Variants in PRRC2A observed in about 807,000 individuals in gnomAD.
The protein encoded by PRRC2A is protein PRRC2A.
PRRC2A carries 59 observed loss-of-function variants against 224.6 expected under a neutral mutation model. The observed-to-expected ratio is 0.26, with a 90% CI of 0.21 to 0.33. The LOEUF (loss-of-function observed/expected upper bound fraction) is 0.33, where lower values mean the gene tolerates loss of function less well. Ranked by LOEUF, PRRC2A falls within the 10% of genes least tolerant of loss-of-function variation. PRRC2A has a pLI of 1.00. For synonymous variants in PRRC2A, 1,194 were observed against 1,109.5 expected (o/e 1.08, Z -1.51); for missense variants, 3,095 against 2,880.7 (o/e 1.07, Z -1.70).
chr6:31,627,978 A>T lies in PRRC2A; in HGVS notation c.1504A>T (p.Lys502Ter). ...RLDEKFGAPD[K>*]RLKAEPAAPP... ...CGATGAAAAGTTTGGGGCACCTGAC[A>T]AGCGGCTCAAAGCAGAGCCTGCTGC... Residue 502 changes from lysine (K) to a stop codon, truncating the protein, a stop_gained, in exon 12 of 31, where the codon AAG becomes TAG. Coordinates refer to ENST00000376033, the MANE Select transcript of PRRC2A (RefSeq NM_004638.4). LOFTEE classifies it high-confidence loss of function. The surrounding 1 kb of genome is among the most constrained non-coding windows in gnomAD (Gnocchi z 5.6). 1 of 1,612,980 alleles carries T rather than the reference A, an allele frequency of 6.2e-7. No individual in the cohort carries two copies. Among genetic ancestry groups the T allele is most frequent in the Non-Finnish European group, 8.5e-7 (1 of 1,180,014 alleles).
At position 31,625,250 on chromosome 6, in the gene PRRC2A, G is replaced by A. The variant is rs780518066; in HGVS notation, c.543G>A (p.Lys181=). 9 of 1,613,106 alleles carry A rather than the reference G, an allele frequency of 5.6e-6. No homozygotes were observed. Among genetic ancestry groups the A allele is most frequent in the Middle Eastern group, 1.6e-4 (1 of 6,084 alleles). ...PTLQAAGDQD[K]AAKERESAEQ... Reference sequence around the variant, plus strand: ...TGCAGGCGGCTGGCGACCAGGACAAGGCTGCCAAGGAAAGGGAGTCTGCCG... The same window carrying A: ...TGCAGGCGGCTGGCGACCAGGACAAAGCTGCCAAGGAAAGGGAGTCTGCCG... The change falls in exon 6 of 31, where the codon AAG becomes AAA. Residue 181 remains lysine (K), a synonymous_variant. Transcript: ENST00000376033. The surrounding 1 kb of genome is among the most constrained non-coding windows in gnomAD (Gnocchi z 4.1).
At chr6:31,623,064 G>A (rs773376209) in intron 2 of PRRC2A, 163 bp downstream of exon 2, 1 of 771,934 alleles carries the variant, frequency 1.3e-6, no homozygotes, top group Non-Finnish European at 2.4e-6. Context: ...GTGGGCTCTG[G>A]GTGAACACCA....
Position 31,633,442 on chromosome 6 carries a change from T to C in PRRC2A, c.4383T>C (p.Ala1461=), listed in dbSNP as rs904275357. 1 of 1,613,068 alleles carries C rather than the reference T, an allele frequency of 6.2e-7. No individual in the cohort carries two copies. The highest frequency in any genetic ancestry group is 8.5e-7 in the Non-Finnish European group (1 of 1,180,020). Residue 1461 remains alanine, a synonymous_variant, in exon 17 of 31, where the codon GCT becomes GCC. Coordinates refer to ENST00000376033, the MANE Select transcript of PRRC2A (RefSeq NM_004638.4). ...CTCCCCCACCTCCCAGCAGTTCTGC[T>C]GTCTTCCGCCTGGACCAAGTTATCC... The part of the protein sequence containing the change: ...PLPPPPPSSS[A]VFRLDQVIHS...
rs748153786 is a variant in PRRC2A at position 31,625,746 on chromosome 6, G to A, written c.760-46G>A. On this transcript the variant is annotated intron_variant, in intron 7 of 30. Transcript: ENST00000376033. The surrounding 1 kb of genome is among the most constrained non-coding windows in gnomAD (Gnocchi z 4.1). ...ATAGCAGGCTTAAGGAGCTAGAAGG[G>A]TATATGACTGTCCCTCTGAGCAGCT... is the stretch of plus-strand genomic sequence containing the variant. The A allele has an allele frequency of 6.4e-7, 1 of 1,555,264 alleles. No homozygotes were observed. Among genetic ancestry groups the A allele is most frequent in the Non-Finnish European group, 8.9e-7 (1 of 1,126,566 alleles).
At chr6:31,635,540 A>G in intron 23 of PRRC2A, 42 bp from the exon 24 acceptor site, 2 of 1,611,000 alleles carry the variant, frequency 1.2e-6, no homozygotes, top group Non-Finnish European at 8.5e-7. Context: ...CAGGGCGTCC[A>G]GGATGCCAGA....
Position 31,627,729 on chromosome 6 carries a change from AT to A in PRRC2A, c.1291-34del. ...GAGATGATAGAAAGCATAGTAACTGATTCCCCTGGCCCTGCTGGGTCTTGCC... is the reference window on the plus strand; with the variant it reads ...GAGATGATAGAAAGCATAGTAACTGATCCCCTGGCCCTGCTGGGTCTTGCC... On this transcript the variant is annotated intron_variant, in intron 11 of 30. Coordinates refer to ENST00000376033, the MANE Select transcript of PRRC2A (RefSeq NM_004638.4). The surrounding 1 kb of genome is among the most constrained non-coding windows in gnomAD (Gnocchi z 5.6). 6.2e-7 allele frequency: 1 copy of A among 1,602,090 alleles called. No homozygotes were observed. The highest frequency in any genetic ancestry group is 8.5e-7 in the Non-Finnish European group (1 of 1,173,414).
At chr6:31,623,708 C>A (rs1030588293) in intron 2 of PRRC2A, 24 bp from the exon 3 acceptor site, 2 of 1,611,636 alleles carry the variant, frequency 1.2e-6, no homozygotes, top group Non-Finnish European at 1.7e-6. Flanking sequence ...GCATTTTCGA[C>A]CCTCTCTCCG....
At position 31,625,594 on chromosome 6, in the gene PRRC2A, G is replaced by C; in HGVS notation, c.742G>C (p.Gly248Arg). 6.4e-7 allele frequency: 1 copy of C among 1,573,684 alleles called. No homozygotes were observed. The highest frequency in any genetic ancestry group is 8.6e-7 in the Non-Finnish European group (1 of 1,158,442). ...SGPPQFPPYR[G>R]MMPPFMYPPY... ...CCCACCCCAGTTCCCTCCCTACCGC[G>C]GAATGATGCCGCCTTTCGTGAGTCT... Residue 248 changes from glycine (G) to arginine (R), a missense_variant, in exon 7 of 31, where the codon GGA becomes CGA. Physicochemically the swap from Gly to Arg is moderately radical, Grantham distance 125. Coordinates refer to ENST00000376033, the MANE Select transcript of PRRC2A (RefSeq NM_004638.4). This position sits in a 1 kb window ranked among gnomAD's most constrained non-coding sequence, Gnocchi z 4.1.
Position 31,632,097 on chromosome 6 carries a change from C to T in PRRC2A, c.3424C>T (p.Pro1142Ser), listed in dbSNP as rs199770894. 1 of 1,551,828 alleles carries T rather than the reference C, an allele frequency of 6.4e-7. No individual in the cohort carries two copies. The highest frequency in any genetic ancestry group is 2.3e-5 in the East Asian group (1 of 44,268). Reference sequence around the variant, plus strand: ...CCAGGTCCCTCTCGCTCCCCCACCACCAGGAGCCCCACCTTCACCAGCCCC... The same window carrying T: ...CCAGGTCCCTCTCGCTCCCCCACCATCAGGAGCCCCACCTTCACCAGCCCC... ...LTQVPLAPPP[P>S]GAPPSPAPAR... Residue 1142 changes from proline to serine, a missense_variant, in exon 16 of 31, where the codon CCA (proline) becomes TCA (serine). Pro to Ser is a moderately conservative substitution (Grantham distance 74). Transcript: ENST00000376033.
At chr6:31,624,565 G>A (rs1156804023) in intron 5 of PRRC2A, 43 bp downstream of exon 5, 1 of 1,561,002 alleles carries the variant, frequency 6.4e-7, no homozygotes, top group Admixed American at 1.7e-5. Context: ...TGGGCACCAT[G>A]GGATGCATGA....
intron 12 of PRRC2A, chr6:31,628,739 G>A: frequency 4.5e-6 from 1 of 222,504 alleles, no homozygotes; most frequent in Non-Finnish European, 8.9e-6. Flanking sequence ...TGCTTGGGAG[G>A]CTGAGGTAGT....
At position 31,625,103 on chromosome 6, in the gene PRRC2A, C is replaced by T. The variant is rs778608821; in HGVS notation, c.464-68C>T. 6.4e-7 allele frequency: 1 copy of T among 1,551,196 alleles called. No individual in the cohort carries two copies. Among genetic ancestry groups the T allele is most frequent in the African/African-American group, 1.4e-5 (1 of 73,572 alleles). The stretch of plus-strand genomic sequence containing the variant: ...GTGAGCCACCGCGCCCAGCCAGAGT[C>T]TTCCACTTTTATAGCATGTCCTCAG... On this transcript the variant is annotated intron_variant, in intron 5 of 30. Coordinates refer to ENST00000376033, the MANE Select transcript of PRRC2A (RefSeq NM_004638.4). The surrounding 1 kb of genome is among the most constrained non-coding windows in gnomAD (Gnocchi z 4.1).
Position 31,633,934 on chromosome 6 carries a change from C to G in PRRC2A, c.4664C>G (p.Pro1555Arg), listed in dbSNP as rs558160360. The G allele has an allele frequency of 6.3e-7, 1 of 1,595,736 alleles. No homozygotes were observed. Among genetic ancestry groups the G allele is most frequent in the Non-Finnish European group, 8.5e-7 (1 of 1,175,636 alleles). The change falls in exon 18 of 31, where the codon CCC (proline) becomes CGC (arginine). Residue 1555 changes from proline to arginine, a missense_variant. Physicochemically the swap from Pro to Arg is moderately radical, Grantham distance 103 (BLOSUM62 -2). Coordinates refer to ENST00000376033, the MANE Select transcript of PRRC2A (RefSeq NM_004638.4). ...CCTCGGGACTCTGCCGGGGTTAGTC[C>G]CTTTCCCCCTAAACGTCGGGAGCGG... Reference protein sequence around the residue: ...GTPRDSAGVSPFPPKRRERPP... With the variant: ...GTPRDSAGVSRFPPKRRERPP...
Position 31,624,284 on chromosome 6 carries a change from C to A in PRRC2A, c.314C>A (p.Pro105Gln). 1 of 1,613,816 alleles carries A rather than the reference C, an allele frequency of 6.2e-7. No individual in the cohort carries two copies. Among genetic ancestry groups the A allele is most frequent in the Non-Finnish European group, 8.5e-7 (1 of 1,179,992 alleles). ...AGTTCCGATGCCTCAACCGCTCAGC[C>A]GCCGGAATCGCAGCCACTGCCGGCT... ...PKSSDASTAQ[P>Q]PESQPLPASQ... is the part of the protein sequence containing the mutation. Residue 105 changes from proline (P) to glutamine (Q), a missense_variant, in exon 4 of 31, where the codon CCG (proline) becomes CAG (glutamine). Coordinates refer to ENST00000376033, the MANE Select transcript of PRRC2A (RefSeq NM_004638.4).
At chr6:31,622,321 A>T (rs1358675747) in intron 1 of PRRC2A, among the ~76,000 whole-genome samples, 1 of 152,206 alleles carries the variant, frequency 6.6e-6, no homozygotes, top group East Asian at 1.9e-4. Flanking sequence ...TTCTTCTCTG[A>T]TGGAATTGTA....
rs1271239955 is a variant in PRRC2A, at chr6:31,631,393, G to A, written c.2720G>A (p.Gly907Glu). 1.2e-6 allele frequency: 2 copies of A among 1,607,474 alleles called. No homozygotes were observed. The highest frequency in any genetic ancestry group is 1.7e-6 in the Non-Finnish European group (2 of 1,177,876). Residue 907 changes from glycine to glutamate, a missense_variant, in exon 16 of 31, where the codon GGG becomes GAG. Around this residue, in one of 8 missense-constraint regions of PRRC2A, gnomAD observed 2,001 missense variants for 1,764.9 expected, o/e 1.13. Transcript: ENST00000376033. The surrounding 1 kb of genome is among the most constrained non-coding windows in gnomAD (Gnocchi z 4.5). ...GGCCGAAAGCCTGCCCGCGGAGTCG[G>A]GAGTGGAGGCCAGGGCCCCCCACCA... is the stretch of plus-strand genomic sequence containing the variant. ...EAGRKPARGV[G>E]SGGQGPPPPR...
At chr6:31,624,561 C>T in intron 5 of PRRC2A, 39 bp downstream of exon 5, 2 of 1,567,738 alleles carry the variant, frequency 1.3e-6, no homozygotes, top group African/African-American at 1.4e-5. Flanking sequence ...TGTCTGGGCA[C>T]CATGGGATGC....
chr6:31,631,384 G>A lies in PRRC2A; in HGVS notation c.2711G>A (p.Arg904His), dbSNP rs1283157646. ...TGPEAGRKPARGVGSGGQGPP... is the reference protein window; with the variant it reads ...TGPEAGRKPAHGVGSGGQGPP... ...CCAGAAGCAGGCCGAAAGCCTGCCC[G>A]CGGAGTCGGGAGTGGAGGCCAGGGC... Residue 904 changes from arginine to histidine, a missense_variant, in exon 16 of 31, where the codon CGC becomes CAC. Around this residue, in one of 8 missense-constraint regions of PRRC2A, gnomAD observed 2,001 missense variants for 1,764.9 expected, o/e 1.13. Coordinates refer to ENST00000376033, the MANE Select transcript of PRRC2A (RefSeq NM_004638.4). This position sits in a 1 kb window ranked among gnomAD's most constrained non-coding sequence, Gnocchi z 4.5. 9 of 1,605,426 alleles carry A rather than the reference G, an allele frequency of 5.6e-6. No individual in the cohort carries two copies. The highest frequency in any genetic ancestry group is 1.3e-5 in the African/African-American group (1 of 74,460).
chr6:31,637,243 T>G lies in PRRC2A; in HGVS notation c.6252T>G (p.Ser2084=), dbSNP rs769190800. 3 of 1,611,556 alleles carry G rather than the reference T, an allele frequency of 1.9e-6. No homozygotes were observed. The highest frequency in any genetic ancestry group is 2.5e-6 in the Non-Finnish European group (3 of 1,178,646). ...GCCCTTCTTCCCTTAGGTCCTTCTCTGGCCTCAATTCCCGTCTCAAGGCCA... is the reference window on the plus strand; with the variant it reads ...GCCCTTCTTCCCTTAGGTCCTTCTCGGGCCTCAATTCCCGTCTCAAGGCCA... ...SRTPPTGRSF[S]GLNSRLKATP... is the part of the protein sequence containing the mutation. The change falls in exon 30 of 31, where the codon TCT becomes TCG. Residue 2084 remains serine (S), a synonymous_variant. Transcript: ENST00000376033.
Sources: allele counts gnomAD v4.1 joint callset (sites outside exome capture counted in the v4.1 genomes callset), GRCh38; gene constraint gnomAD v4.1.1; regional missense constraint gnomAD v4.1.1; non-coding constraint Gnocchi (gnomAD v3.1); transcripts MANE v1.5; gene names NCBI Gene and HGNC (gene_info 2026-07-23, HGNC 2026-07-21).